Variants in C6orf62 observed in about 807,000 individuals in gnomAD.
C6orf62 encodes the protein uncharacterized protein C6orf62.
Under a neutral mutation model 26.8 loss-of-function variants are expected in C6orf62, and 16 were observed. The ratio of observed to expected loss-of-function variants is 0.60; its 90% confidence interval spans 0.40 to 0.91. The LOEUF is 0.91. Ranked by LOEUF, C6orf62 falls within the 40% of genes least tolerant of loss-of-function variation. The pLI, the probability that C6orf62 is intolerant of heterozygous loss-of-function variation, is 0.00. For missense variants in C6orf62, 192 were observed against 271.4 expected (o/e 0.71, Z 2.06); for synonymous variants, 112 against 91.5 (o/e 1.22, Z -1.28).
intron 4 of C6orf62, 139 bp from the exon 5 acceptor site, chr6:24,706,401 G>A (rs1685962884): frequency 7.7e-7 from 1 of 1,303,890 alleles, no homozygotes; most frequent in Non-Finnish European, 1.0e-6. Context: ...CCATATTCTA[G>A]ACAGACAAAA....
intron 3 of C6orf62, chr6:24,710,187 G>A (rs1300812127): frequency 1.6e-5 from 16 of 984,878 alleles, no homozygotes; most frequent in Non-Finnish European, 1.9e-5. Flanking sequence ...TGCTGAAGAG[G>A]ACAAGTACAG....
rs775240927 is a variant in C6orf62 at position 24,704,909 on chromosome 6, G to C, written c.*1228C>G. The C allele has an allele frequency of 6.6e-5, 10 of 152,106 alleles. No individual in the cohort carries two copies. The highest frequency in any genetic ancestry group is 4.6e-4 in the Admixed American group (7 of 15,240). 9.4% of individuals were successfully genotyped at this position (152,106 alleles called of 1,614,324 possible). ...AGGGAACTTTCACCTATTTTATTTA[G>C]GTTTTCTTTTTCTTTTTTTCTTTTT... On this transcript the variant is annotated 3_prime_UTR_variant, in exon 5 of 5. Coordinates refer to ENST00000378119, the MANE Select transcript of C6orf62 (RefSeq NM_030939.5).
At chr6:24,708,392 A>C (rs1487064676) in intron 4 of C6orf62, among the ~76,000 whole-genome samples, 1 of 152,140 alleles carries the variant, frequency 6.6e-6, no homozygotes, top group Non-Finnish European at 1.5e-5. Context: ...TCTGTCATTC[A>C]AGCTGGAGTG....
chr6:24,709,004 C>T, intron 3 of C6orf62, 93 bp from the exon 4 acceptor site: 1 of 1,538,492 alleles, frequency 6.5e-7, no homozygotes, highest in Non-Finnish European at 8.7e-7. Context: ...AATAAAGCAG[C>T]CAACAGTCCG....
chr6:24,705,387 CATGT>C lies in C6orf62; in HGVS notation c.*746_*749del, dbSNP rs1778987810. 1 of 152,590 alleles carries C rather than the reference CATGT, an allele frequency of 6.6e-6. No individual in the cohort carries two copies. The allele number at this position is 152,590 out of a possible 1,614,324, so 9.5% of individuals were successfully genotyped here. On this transcript the variant is annotated 3_prime_UTR_variant, in exon 5 of 5. Transcript: ENST00000378119. ...ACCTATCATGGTTTCTGCAGCTATGCATGTATTTCTGTTTTATAGCTGCTTTATA... is the reference window on the plus strand; with the variant it reads ...ACCTATCATGGTTTCTGCAGCTATGCATTTCTGTTTTATAGCTGCTTTATA...
In C6orf62 at chr6:24,718,661, T is replaced by TC; in HGVS notation, c.7dup (p.Asp3GlyfsTer18). ...AGCTTGTTTCTTCCGGGAGTTTGGG[T>TC]CCCCCATTTTGAAATACAGGTGGTA... On this transcript the variant is annotated frameshift_variant, in exon 1 of 5. Coordinates refer to ENST00000378119, the MANE Select transcript of C6orf62 (RefSeq NM_030939.5). LOFTEE classifies it high-confidence loss of function. The TC allele has an allele frequency of 6.2e-7, 1 of 1,613,788 alleles. No individual in the cohort carries two copies. Among genetic ancestry groups the TC allele is most frequent in the Non-Finnish European group, 8.5e-7 (1 of 1,179,978 alleles).
chr6:24,709,762 T>C lies in C6orf62; in HGVS notation c.430-851A>G. On this transcript the variant is annotated intron_variant, in intron 3 of 4. Coordinates refer to ENST00000378119, the MANE Select transcript of C6orf62 (RefSeq NM_030939.5). ...ACTCCATCCTCCCACAAAATATCTG[T>C]TGGGCATGGTGAGACACCAAATGCT... 2 of 985,456 alleles carry C rather than the reference T, an allele frequency of 2.0e-6. 1 individual carries two copies. The highest frequency in any genetic ancestry group is 9.4e-5 in the South Asian group (2 of 21,286). 61.0% of individuals were successfully genotyped at this position (985,456 alleles called of 1,614,324 possible).
At chr6:24,713,345 A>T (rs1362156433) in intron 3 of C6orf62, among the ~76,000 whole-genome samples, 1 of 152,242 alleles carries the variant, frequency 6.6e-6, no homozygotes, top group Non-Finnish European at 1.5e-5. Context: ...AATTAATCTT[A>T]AAACATTAAA....
Position 24,714,441 on chromosome 6 carries a change from C to A in C6orf62, c.307-1G>T. 1 of 1,548,386 alleles carries A rather than the reference C, an allele frequency of 6.5e-7. No individual in the cohort carries two copies. Among genetic ancestry groups the A allele is most frequent in the Non-Finnish European group, 8.7e-7 (1 of 1,152,850 alleles). On this transcript the variant is annotated splice_acceptor_variant, in intron 2 of 4. Coordinates refer to ENST00000378119, the MANE Select transcript of C6orf62 (RefSeq NM_030939.5). LOFTEE classifies it high-confidence loss of function. Reference sequence around the variant, plus strand: ...TCTCCTGAGTACAGCCAATTACATCCTATAAAATGATTAAAAAAAAAAAAG... The same window carrying A: ...TCTCCTGAGTACAGCCAATTACATCATATAAAATGATTAAAAAAAAAAAAG...
chr6:24,709,725 T>C, intron 3 of C6orf62: 1 of 985,466 alleles, frequency 1.0e-6, no homozygotes, highest in Non-Finnish European at 1.2e-6. Context: ...TCTTTTAACA[T>C]GAGGAAGATC....
At position 24,704,957 on chromosome 6, in the gene C6orf62, TA is replaced by T. The variant is rs942719839; in HGVS notation, c.*1179del. 17 of 151,974 alleles carry T rather than the reference TA, an allele frequency of 1.1e-4. No individual in the cohort carries two copies. Among genetic ancestry groups the T allele is most frequent in the African/African-American group, 4.1e-4 (17 of 41,272 alleles). 9.4% of individuals were successfully genotyped at this position (151,974 alleles called of 1,614,324 possible). A position where few individuals can be genotyped will look rare whatever the true frequency, so the allele number is the denominator to read the frequency against. On this transcript the variant is annotated 3_prime_UTR_variant, in exon 5 of 5. Transcript: ENST00000378119. ...TTTTTTTCAAATTCCAACCAGAAGC[TA>T]AATACAATTGGAAACTGGTAAGCAC...
intron 3 of C6orf62, 68 bp from the exon 4 acceptor site, chr6:24,708,979 C>A (rs1448471582): frequency 1.3e-6 from 2 of 1,594,934 alleles, no homozygotes; most frequent in Non-Finnish European, 1.7e-6. Flanking sequence ...CATCTATATG[C>A]TAGCTGTGCT....
At chr6:24,717,774 A>G (rs1779262747) in intron 1 of C6orf62, among the ~76,000 whole-genome samples, 1 of 152,258 alleles carries the variant, frequency 6.6e-6, no homozygotes. Context: ...CCTTACATTC[A>G]TAACCTCATC....
rs1477464139 is a variant in C6orf62 at position 24,705,893 on chromosome 6, T to C, written c.*244A>G. 2 of 392,390 alleles carry C rather than the reference T, an allele frequency of 5.1e-6. No individual in the cohort carries two copies. Among genetic ancestry groups the C allele is most frequent in the Non-Finnish European group, 9.0e-6 (2 of 222,800 alleles). 24.3% of individuals were successfully genotyped at this position (392,390 alleles called of 1,614,324 possible). ...TCATTTCACATTTTTAGTAAGATACTGATGCAGTGCAGCAAATATGCAAAG... is the reference window on the plus strand; with the variant it reads ...TCATTTCACATTTTTAGTAAGATACCGATGCAGTGCAGCAAATATGCAAAG... On this transcript the variant is annotated 3_prime_UTR_variant, in exon 5 of 5. Transcript: ENST00000378119.
intron 3 of C6orf62, among the ~76,000 whole-genome samples, chr6:24,713,781 G>A (rs1389322069): frequency 6.6e-6 from 1 of 152,160 alleles, no homozygotes. Flanking sequence ...ATGAGTAAAT[G>A]CCCTTAACAC....
Position 24,719,029 on chromosome 6 carries a change from T to G in C6orf62, c.-361A>C. ...TTGCGGAGAAATGAAAAGCCTATAA[T>G]CAGGATTTAGGTGTGCAATAAAACA... is the stretch of plus-strand genomic sequence containing the variant. On this transcript the variant is annotated 5_prime_UTR_variant, in exon 1 of 5. Coordinates refer to ENST00000378119, the MANE Select transcript of C6orf62 (RefSeq NM_030939.5). The G allele has an allele frequency of 9.0e-7, 1 of 1,108,990 alleles. No homozygotes were observed. The highest frequency in any genetic ancestry group is 1.1e-6 in the Non-Finnish European group (1 of 905,094). 68.7% of individuals were successfully genotyped at this position (1,108,990 alleles called of 1,614,324 possible). A position where few individuals can be genotyped will look rare whatever the true frequency, so the allele number is the denominator to read the frequency against.
chr6:24,706,138 T>C lies in C6orf62; in HGVS notation c.689A>G (p.Ter230TrpextTer51). Reference protein sequence around the residue: ...EDHLRPYMPE* With the variant: ...EDHLRPYMPEW ...TTCTCCATTTTGCTGGTCAGTACTC[T>C]ACTCTGGCATATAAGGACGGAGGTG... is the stretch of plus-strand genomic sequence containing the variant. The change falls in exon 5 of 5, where the codon TAG (stop) becomes TGG (tryptophan). Residue 230 changes from the stop codon to tryptophan (W), a stop_lost. Transcript: ENST00000378119. 3 of 1,614,190 alleles carry C rather than the reference T, an allele frequency of 1.9e-6. No individual in the cohort carries two copies. Among genetic ancestry groups the C allele is most frequent in the South Asian group, 1.1e-5 (1 of 91,078 alleles).
At chr6:24,706,284 A>G (rs1439161304) in intron 4 of C6orf62, 22 bp from the exon 5 acceptor site, 7 of 1,612,864 alleles carry the variant, frequency 4.3e-6, no homozygotes, top group East Asian at 2.2e-5. Flanking sequence ...AAACATTTTA[A>G]TATTTTTTAA....
chr6:24,710,039 T>C (rs1004609628), intron 3 of C6orf62: 1 of 983,872 alleles, frequency 1.0e-6, no homozygotes, highest in East Asian at 1.1e-4. Context: ...ATATACCATA[T>C]GTAAAATGAT....
Sources: gnomAD v4.1 joint callset for allele counts (sites outside exome capture counted in the v4.1 genomes callset) on GRCh38, gnomAD v4.1.1 for gene constraint, MANE v1.5 for transcripts, NCBI Gene and HGNC (gene_info 2026-07-23, HGNC 2026-07-21) for gene names.